Variants in NLRP3 observed in about 807,000 individuals in gnomAD.
NLRP3 encodes the protein NACHT, LRR and PYD domains-containing protein 3.
Under a neutral mutation model 91.3 loss-of-function variants are expected in NLRP3, and 48 were observed. That is an observed-to-expected ratio of 0.53 (90% confidence interval 0.42 to 0.67). NLRP3 has a LOEUF of 0.67. Among genes scored for constraint, NLRP3 ranks in the 30% least tolerant of loss-of-function variants. The pLI, the probability that NLRP3 is intolerant of heterozygous loss-of-function variation, is 0.00. For synonymous variants in NLRP3, 561 were observed against 507.9 expected (o/e 1.10, Z -1.41); for missense variants, 982 against 1,276.9 (o/e 0.77, Z 3.52).
At position 247,425,777 on chromosome 1, in the gene NLRP3, G is replaced by C. The variant is rs1662831504; in HGVS notation, c.2150+178G>C. 1 of 632,250 alleles carries C rather than the reference G, an allele frequency of 1.6e-6. No individual in the cohort carries two copies. The highest frequency in any genetic ancestry group is 1.8e-5 in the African/African-American group (1 of 54,272). 39.2% of individuals were successfully genotyped at this position (632,250 alleles called of 1,614,324 possible). A position where few individuals can be genotyped will look rare whatever the true frequency, so the allele number is the denominator to read the frequency against. On this transcript the variant is annotated intron_variant, in intron 4 of 9. Transcript: ENST00000336119. The surrounding 1 kb of genome is among the most constrained non-coding windows in gnomAD (Gnocchi z 4.1). ...GAGCAAAGATTGATGTATGGTAGGT[G>C]GATAAATGGGATGAGGAAAAAAAAA...
At chr1:247,441,098 C>T (rs1664180939) in intron 7 of NLRP3, among the ~76,000 whole-genome samples, 1 of 149,964 alleles carries the variant, frequency 6.7e-6, no homozygotes. Flanking sequence ...CCTTCTTCCT[C>T]CTCCTCCTTT....
chr1:247,425,461 G>A lies in NLRP3; in HGVS notation c.2012G>A (p.Cys671Tyr). Residue 671 changes from cysteine to tyrosine, a missense_variant, in exon 4 of 10, where the codon TGT becomes TAT. Cys to Tyr is a radical substitution (Grantham distance 194, BLOSUM62 -2). This residue lies in a region of NLRP3 where 373 missense variants were observed against 431.5 expected (regional missense o/e 0.86). Transcript: ENST00000336119. This position sits in a 1 kb window ranked among gnomAD's most constrained non-coding sequence, Gnocchi z 4.1. The stretch of plus-strand genomic sequence containing the variant: ...GTTTCTTCCTTTTGCATTGAGAACT[G>A]TCATCGGGTGGAGTCACTGTCCCTG... The part of the protein sequence containing the change: ...HMVSSFCIEN[C>Y]HRVESLSLGF... 1 of 1,614,198 alleles carries A rather than the reference G, an allele frequency of 6.2e-7. No homozygotes were observed. Among genetic ancestry groups the A allele is most frequent in the Non-Finnish European group, 8.5e-7 (1 of 1,180,036 alleles).
intron 2 of NLRP3, 108 bp downstream of exon 2, chr1:247,419,185 G>C (rs1662280242): frequency 1.4e-6 from 1 of 740,404 alleles, no homozygotes; most frequent in East Asian, 5.1e-5. Flanking sequence ...AGACGGAGTT[G>C]CTCTTGTTGC....
intron 9 of NLRP3, 25 bp from the exon 10 acceptor site, chr1:247,448,380 C>A (rs780824984): frequency 2.2e-6 from 3 of 1,351,988 alleles, no homozygotes; most frequent in Non-Finnish European, 1.1e-6. Flanking sequence ...AGAGTGCAAC[C>A]CAGGCTTTCT....
rs1491303088 is a variant in NLRP3 at position 247,419,164 on chromosome 1, A to ATATATATATTTTTTT, written c.277+88_277+89insATATATATTTTTTTT. On this transcript the variant is annotated intron_variant, in intron 2 of 9. Coordinates refer to ENST00000336119, the MANE Select transcript of NLRP3 (RefSeq NM_001243133.2). ...CATCTTTATATATATATATATATAT[A>ATATATATATTTTTTT]TTTTTTTTTGAGACGGAGTTGCTCT... 1.1e-5 allele frequency: 7 copies of ATATATATATTTTTTT among 658,704 alleles called. No individual in the cohort carries two copies. The African/African-American group carries it at 2.5e-4, about 24-fold the overall frequency. The allele number at this position is 658,704 out of a possible 1,614,324, so 40.8% of individuals were successfully genotyped here. A position where few individuals can be genotyped will look rare whatever the true frequency, so the allele number is the denominator to read the frequency against.
intron 2 of NLRP3, among the ~76,000 whole-genome samples, chr1:247,420,749 G>T (rs975812161): frequency 1.3e-4 from 6 of 44,868 alleles, no homozygotes; most frequent in Admixed American, 2.7e-4. Context: ...TATTGTCTTG[G>T]TTTTTTCTCT....
rs1662257289 is a variant in NLRP3, at chr1:247,419,050, A to G, written c.250A>G (p.Lys84Glu). The change falls in exon 2 of 10, where the codon AAA becomes GAA. Residue 84 changes from lysine to glutamate, a missense_variant. Lys to Glu is a moderately conservative substitution (Grantham distance 56, BLOSUM62 1). This residue lies in a region of NLRP3 where 548 missense variants were observed against 713.7 expected (regional missense o/e 0.77). Transcript: ENST00000336119. ...GATCAACAGGAGAGACCTTTATGAG[A>G]AAGCAAAAAGAGATGAGCCGAAGTG... ...AAINRRDLYE[K>E]AKRDEPKWGS... The G allele has an allele frequency of 1.9e-6, 3 of 1,612,582 alleles. No homozygotes were observed. In the African/African-American group the frequency reaches 4.0e-5, roughly 22 times the overall value.
Position 247,418,672 on chromosome 1 carries a change from T to C in NLRP3, c.-129T>C. ...GTGACATTTTTTTCTTTCTGTTTGC[T>C]GAGTTTTTGATAATTTATATCTCTC... On this transcript the variant is annotated 5_prime_UTR_variant, in exon 2 of 10. Coordinates refer to ENST00000336119, the MANE Select transcript of NLRP3 (RefSeq NM_001243133.2). The C allele has an allele frequency of 8.6e-7, 1 of 1,169,016 alleles. No individual in the cohort carries two copies. Among genetic ancestry groups the C allele is most frequent in the Non-Finnish European group, 1.2e-6 (1 of 809,518 alleles). 72.4% of individuals were successfully genotyped at this position (1,169,016 alleles called of 1,614,324 possible).
In NLRP3 at chr1:247,436,058, G is replaced by GGGGAGAATGCCTTGGGAGACTCA; in HGVS notation, c.2584_2606dup (p.Val870ArgfsTer29). On this transcript the variant is annotated frameshift_variant, in exon 7 of 10. Transcript: ENST00000336119. LOFTEE classifies it high-confidence loss of function. ...CCATTCCCTGACCAGACTCTATGTG[G>GGGGAGAATGCCTTGGGAGACTCA]GGGAGAATGCCTTGGGAGACTCAGG... is the stretch of plus-strand genomic sequence containing the variant. The GGGGAGAATGCCTTGGGAGACTCA allele has an allele frequency of 6.2e-7, 1 of 1,614,144 alleles. No individual in the cohort carries two copies. Among genetic ancestry groups the GGGGAGAATGCCTTGGGAGACTCA allele is most frequent in the Non-Finnish European group, 8.5e-7 (1 of 1,179,998 alleles).
chr1:247,431,263 G>A (rs1016721910), intron 5 of NLRP3, among the ~76,000 whole-genome samples: 1 of 152,048 alleles, frequency 6.6e-6, no homozygotes, highest in Non-Finnish European at 1.5e-5. Context: ...ACGCCCCACC[G>A]CGCTGGTGCC....
rs201384608 is a variant in NLRP3, at chr1:247,418,922, G to A, written c.122G>A (p.Arg41Lys). 78 of 1,614,016 alleles carry A rather than the reference G, an allele frequency of 4.8e-5. No homozygotes were observed. The highest frequency in any genetic ancestry group is 6.1e-5 in the Non-Finnish European group (72 of 1,180,024). The change falls in exon 2 of 10, where the codon AGG (arginine) becomes AAG (lysine). Residue 41 changes from arginine (R) to lysine (K), a missense_variant. Coordinates refer to ENST00000336119, the MANE Select transcript of NLRP3 (RefSeq NM_001243133.2). ...PPQKGCIPLP[R>K]GQTEKADHVD... ...CAGAAGGGCTGCATCCCCCTCCCGA[G>A]GGGTCAGACAGAGAAGGCAGACCAT...
intron 7 of NLRP3, among the ~76,000 whole-genome samples, chr1:247,442,647 C>T (rs1664310495): frequency 6.6e-6 from 1 of 152,192 alleles, no homozygotes. Flanking sequence ...TCCCTCCCCA[C>T]CACACACCTG....
In NLRP3 at chr1:247,424,280, C is replaced by T. The variant is rs71642413; in HGVS notation, c.831C>T (p.Cys277=). 6.2e-7 allele frequency: 1 copy of T among 1,614,064 alleles called. No homozygotes were observed. The highest frequency in any genetic ancestry group is 1.1e-5 in the South Asian group (1 of 91,078). ...GCCTGGGGGACCTGATCATGAGCTG[C>T]TGCCCCGACCCAAACCCACCCATCC... The part of the protein sequence containing the change: ...QRSLGDLIMS[C]CPDPNPPIHK... The change falls in exon 4 of 10, where the codon TGC becomes TGT. Residue 277 remains cysteine (C), a synonymous_variant. Transcript: ENST00000336119. The surrounding 1 kb of genome is among the most constrained non-coding windows in gnomAD (Gnocchi z 8.1).
intron 2 of NLRP3, among the ~76,000 whole-genome samples, chr1:247,419,580 C>T (rs1359345073): frequency 6.6e-6 from 1 of 152,176 alleles, no homozygotes; most frequent in Non-Finnish European, 1.5e-5. Flanking sequence ...CTCCTCATTG[C>T]CTCATTCTCC....
chr1:247,444,835 G>A lies in NLRP3; in HGVS notation c.3005+14G>A. 3.1e-6 allele frequency: 5 copies of A among 1,613,240 alleles called. No homozygotes were observed. Among genetic ancestry groups the A allele is most frequent in the Non-Finnish European group, 3.4e-6 (4 of 1,179,842 alleles). On this transcript the variant is annotated intron_variant, in intron 9 of 9. Transcript: ENST00000336119. ...GCAGAACCTGGGGTGAGTGTGCTCT[G>A]CAGAGATGCCCGTGGTGGGACTCTG...
intron 7 of NLRP3, among the ~76,000 whole-genome samples, chr1:247,443,053 G>A (rs1438614334): frequency 6.6e-6 from 1 of 152,116 alleles, no homozygotes; most frequent in African/African-American, 2.4e-5. Context: ...AGCCTCCCAA[G>A]TAGCTGGGAT....
intron 6 of NLRP3, 30 bp downstream of exon 6, chr1:247,434,303 TCTGCCAGCGAGGCGTG>T: frequency 6.2e-7 from 1 of 1,613,642 alleles, no homozygotes; most frequent in South Asian, 1.1e-5. Flanking sequence ...CTAAGGAAGT[TCTGCCAGCGAGGCGTG>T]CTGCGCACTC....
rs112008153 is a variant in NLRP3 at position 247,448,011 on chromosome 1, CTT to C, written c.3006-381_3006-380del. Reference sequence around the variant, plus strand: ...CAGGAACCACATTGGGCACTTAGAGCTTTTTTTTTTTTTTCCCCACATTTTTA... The same window carrying C: ...CAGGAACCACATTGGGCACTTAGAGCTTTTTTTTTTTTCCCCACATTTTTA... On this transcript the variant is annotated intron_variant, in intron 9 of 9. Transcript: ENST00000336119. Among the ~76,000 whole-genome samples the C allele has an allele frequency of 2.9e-3, 417 of 144,438 alleles. 1 individual carries two copies. Among genetic ancestry groups the C allele is most frequent in the African/African-American group, 5.6e-3 (224 of 39,660 alleles). The allele number at this position is 144,438 out of a possible 152,430, so 94.8% of individuals were successfully genotyped here.
At chr1:247,421,444 G>C (rs1662451149) in intron 2 of NLRP3, among the ~76,000 whole-genome samples, 1 of 152,182 alleles carries the variant, frequency 6.6e-6, no homozygotes, top group African/African-American at 2.4e-5. Flanking sequence ...AACATAGGGA[G>C]ACCTCATCTC....
Sources: gnomAD v4.1 joint callset for allele counts (sites outside exome capture counted in the v4.1 genomes callset) on GRCh38, gnomAD v4.1.1 for gene constraint, gnomAD v4.1.1 regional missense constraint, Gnocchi (gnomAD v3.1) non-coding constraint, MANE v1.5 for transcripts, NCBI Gene and HGNC (gene_info 2026-07-23, HGNC 2026-07-21) for gene names.